Variants in ADARB2 observed in about 807,000 individuals in gnomAD.
ADARB2 encodes inactive double-stranded RNA-specific editase B2.
Under a neutral mutation model 62.2 loss-of-function variants are expected in ADARB2, and 25 were observed. The observed-to-expected ratio is 0.40, with a 90% CI of 0.29 to 0.56. ADARB2 has a LOEUF of 0.56. Among genes scored for constraint, ADARB2 ranks in the 20% least tolerant of loss-of-function variants. The pLI is 0.43. For synonymous variants in ADARB2, 572 were observed against 500.8 expected, an observed-to-expected ratio of 1.14 and a Z score of -1.90; for missense variants, 1,071 against 1,077.4, an observed-to-expected ratio of 0.99 and a Z score of 0.08.
At chr10:1,509,676 A>G (rs1831896135) in intron 1 of ADARB2, among the ~76,000 whole-genome samples, 1 of 152,248 alleles carries the variant, frequency 6.6e-6, no homozygotes, top group Admixed American at 6.5e-5. Context: ...TGTAAGTGGC[A>G]CCAGACTGCT....
chr10:1,727,410 G>A (rs1305546967), intron 1 of ADARB2, among the ~76,000 whole-genome samples: 1 of 152,056 alleles, frequency 6.6e-6, no homozygotes, highest in Non-Finnish European at 1.5e-5. Context: ...TGTAAAAGAC[G>A]ACAGCTCAGC....
chr10:1,633,067 C>T (rs1026707507), intron 1 of ADARB2, among the ~76,000 whole-genome samples: 3 of 152,184 alleles, frequency 2.0e-5, no homozygotes, highest in African/African-American at 7.2e-5. Flanking sequence ...GACTCCCGTG[C>T]TCCTGCTTCC....
At chr10:1,298,602 C>T (rs1322076992) in intron 3 of ADARB2, among the ~76,000 whole-genome samples, 3 of 152,036 alleles carry the variant, frequency 2.0e-5, no homozygotes, top group Non-Finnish European at 4.4e-5. Flanking sequence ...TTGGAAGAAA[C>T]AGGACACACG....
chr10:1,672,751 C>G (rs1012112977), intron 1 of ADARB2, among the ~76,000 whole-genome samples: 1 of 69,468 alleles, frequency 1.4e-5, no homozygotes, highest in African/African-American at 3.3e-5. Context: ...GCCTCCCTCC[C>G]TCCACGCACA....
chr10:1,558,195 G>A (rs1276751273), intron 1 of ADARB2, among the ~76,000 whole-genome samples: 6 of 151,748 alleles, frequency 4.0e-5, no homozygotes, highest in Non-Finnish European at 5.9e-5. Context: ...GAGACCCCGC[G>A]TGCCCCATCT....
At chr10:1,659,736 C>A (rs143070023) in intron 1 of ADARB2, among the ~76,000 whole-genome samples, 1 of 152,188 alleles carries the variant, frequency 6.6e-6, no homozygotes, top group East Asian at 1.9e-4. Flanking sequence ...GTAGTTCCTC[C>A]GCCTGCCTTC....
intron 2 of ADARB2, among the ~76,000 whole-genome samples, chr10:1,369,413 T>G (rs1292553864): frequency 1.3e-5 from 2 of 152,018 alleles, no homozygotes; most frequent in Non-Finnish European, 2.9e-5. Flanking sequence ...ACTATCGGCC[T>G]CCCCTCTTCA....
intron 3 of ADARB2, among the ~76,000 whole-genome samples, chr10:1,301,353 C>T (rs549126973): frequency 2.0e-5 from 3 of 152,086 alleles, no homozygotes; most frequent in Admixed American, 1.3e-4. Context: ...TGGTTACCAC[C>T]AACAGAGGGG....
At chr10:1,419,518 A>G (rs1240814972) in intron 1 of ADARB2, among the ~76,000 whole-genome samples, 1 of 152,232 alleles carries the variant, frequency 6.6e-6, no homozygotes. Flanking sequence ...ACCGAGTTAT[A>G]GCAAAACCAC....
At chr10:1,662,311 G>A (rs960808302) in intron 1 of ADARB2, among the ~76,000 whole-genome samples, 4 of 152,176 alleles carry the variant, frequency 2.6e-5, no homozygotes, top group East Asian at 3.9e-4. Context: ...TGGCCCCAGC[G>A]GAGAGGAGAT....
intron 1 of ADARB2, among the ~76,000 whole-genome samples, chr10:1,508,152 A>G (rs539038282): frequency 3.3e-5 from 5 of 152,300 alleles, no homozygotes; most frequent in African/African-American, 1.2e-4. Context: ...AGACCTTGAC[A>G]CTGGTGTTGG....
chr10:1,671,581 A>T (rs114450591), intron 1 of ADARB2, among the ~76,000 whole-genome samples: 2,618 of 152,176 alleles, frequency 0.017, 39 homozygotes, highest in African/African-American at 0.047. Flanking sequence ...TGGAGGTGGC[A>T]TCTCCCTCGT....
intron 1 of ADARB2, among the ~76,000 whole-genome samples, chr10:1,730,155 T>A (rs1307739803): frequency 2.0e-5 from 3 of 152,160 alleles, no homozygotes; most frequent in Admixed American, 2.0e-4. Flanking sequence ...TTATTTATGA[T>A]CCAAATGGCA....
chr10:1,524,708 G>T (rs1028470909), intron 1 of ADARB2, among the ~76,000 whole-genome samples: 5 of 152,134 alleles, frequency 3.3e-5, no homozygotes, highest in Non-Finnish European at 7.3e-5. Context: ...GCTGCCCGGG[G>T]GGAGGTGGTA....
At chr10:1,305,755 A>C (rs928633618) in intron 3 of ADARB2, among the ~76,000 whole-genome samples, 1 of 152,220 alleles carries the variant, frequency 6.6e-6, no homozygotes, top group African/African-American at 2.4e-5. Flanking sequence ...AACATACGAA[A>C]ATCAATAAAT....
At chr10:1,396,818 C>T (rs4880846) in intron 1 of ADARB2, among the ~76,000 whole-genome samples, 10 of 35,886 alleles carry the variant, frequency 2.8e-4, no homozygotes, top group Admixed American at 9.5e-4. Flanking sequence ...TCACCGTCCT[C>T]CTCTCCCCTC....
At chr10:1,710,229 A>T (rs1834934214) in intron 1 of ADARB2, among the ~76,000 whole-genome samples, 1 of 152,110 alleles carries the variant, frequency 6.6e-6, no homozygotes, top group Non-Finnish European at 1.5e-5. Flanking sequence ...GAGTATATTT[A>T]ATTTCTAACC....
chr10:1,360,452 G>T (rs1832242292), intron 3 of ADARB2, among the ~76,000 whole-genome samples: 1 of 152,238 alleles, frequency 6.6e-6, no homozygotes, highest in African/African-American at 2.4e-5. Context: ...GTAGACGGGG[G>T]TCCATGAAGT....
chr10:1,299,939 C>T (rs1295008179), intron 3 of ADARB2, among the ~76,000 whole-genome samples: 4 of 152,182 alleles, frequency 2.6e-5, no homozygotes, highest in East Asian at 3.9e-4. Flanking sequence ...GGCCACTTCA[C>T]GCCTGGCCAT....
Sources: gnomAD v4.1 joint callset for allele counts (sites outside exome capture counted in the v4.1 genomes callset) on GRCh38, gnomAD v4.1.1 for gene constraint, MANE v1.5 for transcripts, NCBI Gene and HGNC (gene_info 2026-07-23, HGNC 2026-07-21) for gene names.